LRMDA: variants seen among roughly 807,000 people sequenced by gnomAD.
LRMDA encodes leucine-rich melanocyte differentiation-associated protein.
In LRMDA, 18 loss-of-function variants were observed where a neutral mutation model predicts 29.8. The ratio of observed to expected loss-of-function variants is 0.60; its 90% CI spans 0.42 to 0.90. The LOEUF (loss-of-function observed/expected upper bound fraction) is 0.90. Ranked by LOEUF, LRMDA falls within the 40% of genes least tolerant of loss-of-function variation. The pLI is 0.00. For missense variants in LRMDA, 273 were observed against 273.9 expected (o/e 1.00, Z 0.02); for synonymous variants, 125 against 109.4 (o/e 1.14, Z -0.89).
rs543883226 is a variant in LRMDA at position 76,448,702 on chromosome 10, T to G, written c.602-108507T>G. 7.9e-5 allele frequency among the ~76,000 whole-genome samples: 12 copies of G among 152,172 alleles called. No individual in the cohort carries two copies. In the South Asian group the frequency reaches 1.9e-3, roughly 24 times the overall value. Reference sequence around the variant, plus strand: ...TTCTGGTTTTCCCAGAGAACCTGTTTTAATATTTTCCATTTTTCATGATTT... The same window carrying G: ...TTCTGGTTTTCCCAGAGAACCTGTTGTAATATTTTCCATTTTTCATGATTT... On this transcript the variant is annotated intron_variant, in intron 6 of 6. Transcript: ENST00000611255.
intron 6 of LRMDA, among the ~76,000 whole-genome samples, chr10:76,395,812 C>A (rs1424050759): frequency 6.6e-6 from 1 of 152,080 alleles, no homozygotes; most frequent in African/African-American, 2.4e-5. Flanking sequence ...TACTGGCAAT[C>A]AAGAAATAAT....
At chr10:76,160,205 C>CTTT (rs566467054) in intron 5 of LRMDA, among the ~76,000 whole-genome samples, 22 of 133,784 alleles carry the variant, frequency 1.6e-4, no homozygotes, top group African/African-American at 6.0e-4. Flanking sequence ...TAAGAGAAGT[C>CTTT]TTTTTTTTTT....
intron 2 of LRMDA, among the ~76,000 whole-genome samples, chr10:75,744,915 T>C (rs1842872215): frequency 6.6e-6 from 1 of 152,190 alleles, no homozygotes; most frequent in South Asian, 2.1e-4. Flanking sequence ...CTGAAGACCT[T>C]CCTGTGCCAG....
intron 2 of LRMDA, among the ~76,000 whole-genome samples, chr10:75,531,886 C>T (rs977065032): frequency 3.3e-5 from 5 of 150,750 alleles, no homozygotes; most frequent in African/African-American, 1.2e-4. Flanking sequence ...ATGGCAAGAC[C>T]CTGTCTCTTA....
At chr10:75,557,756 A>C (rs1381017149) in intron 2 of LRMDA, among the ~76,000 whole-genome samples, 1 of 152,154 alleles carries the variant, frequency 6.6e-6, no homozygotes, top group Non-Finnish European at 1.5e-5. Flanking sequence ...CCACCCTTTA[A>C]GCAAGTGCCT....
At chr10:76,472,026 C>T (rs1249476190) in intron 6 of LRMDA, among the ~76,000 whole-genome samples, 1 of 151,602 alleles carries the variant, frequency 6.6e-6, no homozygotes, top group East Asian at 1.9e-4. Context: ...AACAACTAGA[C>T]AAAATATCAA....
At chr10:76,276,437 C>T (rs1248246644) in intron 5 of LRMDA, among the ~76,000 whole-genome samples, 1 of 152,128 alleles carries the variant, frequency 6.6e-6, no homozygotes, top group African/African-American at 2.4e-5. Context: ...AGCCACTGCA[C>T]CTGGCCTCTA....
chr10:76,434,297 C>CT (rs1554820820), intron 6 of LRMDA, among the ~76,000 whole-genome samples: 1 of 152,140 alleles, frequency 6.6e-6, no homozygotes, highest in East Asian at 1.9e-4. Context: ...GTTTTAATCT[C>CT]TTTTTTTCTC....
chr10:75,491,553 A>G (rs1844987631), intron 2 of LRMDA, among the ~76,000 whole-genome samples: 1 of 152,168 alleles, frequency 6.6e-6, no homozygotes, highest in African/African-American at 2.4e-5. Context: ...GTGATGGACA[A>G]GGATACTCTC....
chr10:76,189,233 T>C (rs1389940571), intron 5 of LRMDA, among the ~76,000 whole-genome samples: 1 of 152,114 alleles, frequency 6.6e-6, no homozygotes, highest in Admixed American at 6.5e-5. Flanking sequence ...GGTGTGTGCC[T>C]GTCATCCCAG....
At chr10:75,575,880 T>G (rs1314613375) in intron 2 of LRMDA, among the ~76,000 whole-genome samples, 2 of 152,060 alleles carry the variant, frequency 1.3e-5, no homozygotes, top group African/African-American at 4.8e-5. Context: ...CCAGGAGATT[T>G]ACTCTGGTGC....
chr10:75,771,705 T>G lies in LRMDA; in HGVS notation c.132-264303T>G, dbSNP rs542749555. Among the ~76,000 whole-genome samples, 15 of 152,214 alleles carry G rather than the reference T, an allele frequency of 9.9e-5. No homozygotes were observed. In the South Asian group the frequency reaches 2.9e-3, roughly 29 times the overall value. ...CTTGGATGGCCTTCTGTTTCTGCTT[T>G]CAGACTTTCCTTATACCTTCCAGTT... On this transcript the variant is annotated intron_variant, in intron 2 of 6. Coordinates refer to ENST00000611255, the MANE Select transcript of LRMDA (RefSeq NM_001305581.2).
chr10:76,276,043 A>ATCTC (rs1032477432), intron 5 of LRMDA, among the ~76,000 whole-genome samples: 1 of 146,800 alleles, frequency 6.8e-6, no homozygotes, highest in African/African-American at 2.6e-5. Context: ...CTATCTATCT[A>ATCTC]TCTATCTATC....
chr10:76,421,796 G>A (rs558422577), intron 6 of LRMDA, among the ~76,000 whole-genome samples: 4 of 152,212 alleles, frequency 2.6e-5, no homozygotes, highest in African/African-American at 9.6e-5. Context: ...ATCTCTTATT[G>A]ATTGATGGTT....
intron 2 of LRMDA, among the ~76,000 whole-genome samples, chr10:75,764,334 G>A (rs768788775): frequency 5.4e-4 from 82 of 152,284 alleles, no homozygotes; most frequent in Non-Finnish European, 7.1e-4. Context: ...CCGGTGCAAA[G>A]CATTCTAAAC....
At chr10:75,532,358 C>T (rs1845487258) in intron 2 of LRMDA, among the ~76,000 whole-genome samples, 1 of 152,092 alleles carries the variant, frequency 6.6e-6, no homozygotes, top group Non-Finnish European at 1.5e-5. Context: ...AATTTTTGAT[C>T]CAGGCTGCTT....
chr10:75,683,688 G>T (rs183607206), intron 2 of LRMDA, among the ~76,000 whole-genome samples: 14 of 152,336 alleles, frequency 9.2e-5, no homozygotes, highest in African/African-American at 3.1e-4. Flanking sequence ...CAAGCCTTAT[G>T]TCTTTCTGGA....
chr10:75,534,362 C>T (rs73275567), intron 2 of LRMDA, among the ~76,000 whole-genome samples: 2,254 of 152,244 alleles, frequency 0.015, 62 homozygotes, highest in African/African-American at 0.052. Context: ...TACTTTAAAA[C>T]AGAAGTTAAG....
At chr10:76,099,027 C>A (rs1013726701) in intron 5 of LRMDA, among the ~76,000 whole-genome samples, 4 of 152,282 alleles carry the variant, frequency 2.6e-5, no homozygotes, top group Admixed American at 6.5e-5. Context: ...AAGCATTGAT[C>A]TTAGGTTTTA....
Sources: allele counts gnomAD v4.1 joint callset (sites outside exome capture counted in the v4.1 genomes callset), GRCh38; gene constraint gnomAD v4.1.1; transcripts MANE v1.5; gene names NCBI Gene and HGNC (gene_info 2026-07-23, HGNC 2026-07-21).